Variants in ZC3H12C observed in about 807,000 individuals in gnomAD.
The protein encoded by ZC3H12C is zinc finger CCCH-type containing 12C.
ZC3H12C carries 20 observed loss-of-function variants against 76.3 expected under a neutral mutation model. The ratio of observed to expected loss-of-function variants is 0.26; its 90% CI spans 0.18 to 0.38. The LOEUF (loss-of-function observed/expected upper bound fraction) is 0.38. ZC3H12C is among the 10% of genes least tolerant of loss of function. The pLI is 1.00. For synonymous variants in ZC3H12C, 352 were observed against 399.6 expected (o/e 0.88, Z 1.42); for missense variants, 874 against 1,086.5 (o/e 0.80, Z 2.75).
intron 1 of ZC3H12C, 31 bp downstream of exon 1, chr11:110,093,463 G>T (rs763416898): frequency 1.7e-6 from 2 of 1,197,662 alleles, no homozygotes; most frequent in South Asian, 4.1e-5. Context: ...TGGGGGACGC[G>T]GACCGCGGCG....
intron 3 of ZC3H12C, among the ~76,000 whole-genome samples, chr11:110,154,150 T>C (rs986353748): frequency 2.6e-5 from 4 of 152,120 alleles, no homozygotes; most frequent in African/African-American, 7.2e-5. Context: ...GGCGGGAAGA[T>C]CACTTGAGCT....
chr11:110,112,028 A>G (rs1831031511), intron 1 of ZC3H12C, among the ~76,000 whole-genome samples: 1 of 152,160 alleles, frequency 6.6e-6, no homozygotes, highest in African/African-American at 2.4e-5. Context: ...TAGAGGAGGA[A>G]AGGTGCAGGG....
At chr11:110,103,711 C>G (rs370313236) in intron 1 of ZC3H12C, among the ~76,000 whole-genome samples, 3 of 151,594 alleles carry the variant, frequency 2.0e-5, no homozygotes, top group Non-Finnish European at 4.4e-5. Flanking sequence ...GTTCATGCCA[C>G]TCTCCTGACT....
intron 2 of ZC3H12C, among the ~76,000 whole-genome samples, chr11:110,142,286 C>T (rs539369149): frequency 1.8e-3 from 273 of 152,254 alleles, no homozygotes; most frequent in African/African-American, 5.6e-3. Context: ...AGCAAACTTT[C>T]CTATTATCTC....
chr11:110,160,770 T>C (rs1415360389), intron 4 of ZC3H12C, among the ~76,000 whole-genome samples: 1 of 152,214 alleles, frequency 6.6e-6, no homozygotes, highest in East Asian at 1.9e-4. Flanking sequence ...CACTCTAAAA[T>C]AAAAACAAAA....
chr11:110,105,587 A>C (rs1212503712), intron 1 of ZC3H12C, among the ~76,000 whole-genome samples: 3 of 152,226 alleles, frequency 2.0e-5, no homozygotes, highest in Admixed American at 2.0e-4. Context: ...AAAATATAAA[A>C]TGATAGTGAA....
intron 1 of ZC3H12C, among the ~76,000 whole-genome samples, chr11:110,117,593 A>G (rs1861549909): frequency 6.7e-6 from 1 of 149,202 alleles, no homozygotes; most frequent in Non-Finnish European, 1.5e-5. Context: ...TTTTTCAACA[A>G]TTGAGGAAAC....
At chr11:110,135,022 T>C (rs1861930001) in intron 1 of ZC3H12C, among the ~76,000 whole-genome samples, 1 of 152,200 alleles carries the variant, frequency 6.6e-6, no homozygotes, top group African/African-American at 2.4e-5. Flanking sequence ...TCTTTTAACA[T>C]TTATATAATA....
intron 2 of ZC3H12C, among the ~76,000 whole-genome samples, chr11:110,147,491 C>T (rs931984587): frequency 1.3e-5 from 2 of 151,808 alleles, no homozygotes; most frequent in South Asian, 2.1e-4. Context: ...AGGACAAATA[C>T]CTAATGCTCG....
At chr11:110,116,671 AC>A (rs1383057298) in intron 1 of ZC3H12C, among the ~76,000 whole-genome samples, 1 of 152,172 alleles carries the variant, frequency 6.6e-6, no homozygotes, top group African/African-American at 2.4e-5. Flanking sequence ...TTTACACTAA[AC>A]TTTTTTAAAG....
At chr11:110,153,179 CGTT>C (rs2134191500) in intron 3 of ZC3H12C, 121 bp downstream of exon 3, 5 of 1,272,652 alleles carry the variant, frequency 3.9e-6, no homozygotes, top group Non-Finnish European at 5.3e-6. Context: ...GGGACACAAA[CGTT>C]GTTTTTTGTT....
chr11:110,123,525 CA>C (rs1376638787), intron 1 of ZC3H12C, among the ~76,000 whole-genome samples: 1 of 152,148 alleles, frequency 6.6e-6, no homozygotes, highest in Admixed American at 6.6e-5. Flanking sequence ...GGTTCCTAAA[CA>C]GAATTGAAGG....
chr11:110,133,116 A>AT (rs1372905181), intron 1 of ZC3H12C, among the ~76,000 whole-genome samples: 1 of 152,184 alleles, frequency 6.6e-6, no homozygotes, highest in East Asian at 1.9e-4. Flanking sequence ...TCATTGAATG[A>AT]TTTCAAGATA....
At chr11:110,109,038 A>G (rs1332296126) in intron 1 of ZC3H12C, among the ~76,000 whole-genome samples, 1 of 152,190 alleles carries the variant, frequency 6.6e-6, no homozygotes, top group East Asian at 1.9e-4. Context: ...ATACCGTATA[A>G]TTTCTTTCTT....
At chr11:110,129,872 C>G (rs1591471659) in intron 1 of ZC3H12C, among the ~76,000 whole-genome samples, 2 of 151,726 alleles carry the variant, frequency 1.3e-5, no homozygotes, top group African/African-American at 4.8e-5. Flanking sequence ...CTTACGCAGC[C>G]CACAAAAGCA....
At position 110,136,858 on chromosome 11, in the gene ZC3H12C, G is replaced by A. The variant is rs927144538; in HGVS notation, c.217G>A (p.Val73Met). The A allele has an allele frequency of 3.7e-6, 6 of 1,613,800 alleles. No homozygotes were observed. In the African/African-American group the frequency reaches 5.3e-5, roughly 14 times the overall value. ...VENPSMDTVN[V>M]GKDEKEASEE... The stretch of plus-strand genomic sequence containing the variant: ...AAACCCAAGTATGGATACCGTTAAT[G>A]TGGGGAAGGATGAAAAAGAGGCGTC... Residue 73 changes from valine (V) to methionine (M), a missense_variant, in exon 2 of 6, where the codon GTG becomes ATG. Transcript: ENST00000278590.
At position 110,171,535 on chromosome 11, in the gene ZC3H12C, C is replaced by G. The variant is rs374780748; in HGVS notation, c.*5798C>G. 6.6e-6 allele frequency: 1 copy of G among 152,124 alleles called. No homozygotes were observed. The highest frequency in any genetic ancestry group is 1.5e-5 in the Non-Finnish European group (1 of 68,028). The allele number at this position is 152,124 out of a possible 1,614,324, so 9.4% of individuals were successfully genotyped here. ...AATGGAATCTTTACAATTCCCAAAA[C>G]GGTATTTTAGACCTACTGGAAATCT... On this transcript the variant is annotated 3_prime_UTR_variant, in exon 6 of 6. Coordinates refer to ENST00000278590, the MANE Select transcript of ZC3H12C (RefSeq NM_033390.2).
At chr11:110,150,869 T>C (rs1033516105) in intron 2 of ZC3H12C, among the ~76,000 whole-genome samples, 1 of 152,172 alleles carries the variant, frequency 6.6e-6, no homozygotes, top group African/African-American at 2.4e-5. Flanking sequence ...ACTTTTCTGC[T>C]CCTAATAATG....
chr11:110,159,674 G>A (rs12271384), intron 4 of ZC3H12C, among the ~76,000 whole-genome samples, 184 bp downstream of exon 4: 3,499 of 152,190 alleles, frequency 0.023, 134 homozygotes, highest in African/African-American at 0.08. Context: ...GAGGAGGCCC[G>A]GTGTGAGTGG....
Sources: allele counts gnomAD v4.1 joint callset (sites outside exome capture counted in the v4.1 genomes callset), GRCh38; gene constraint gnomAD v4.1.1; transcripts MANE v1.5; gene names NCBI Gene and HGNC (gene_info 2026-07-23, HGNC 2026-07-21).